The following MINK1 variants were observed in gnomAD, a reference collection of about 807,000 sequenced individuals.
MINK1 encodes misshapen like kinase 1, also known as misshapen-like kinase 1.
In MINK1, 46 loss-of-function variants were observed where a neutral mutation model predicts 178.4. The observed-to-expected ratio is 0.26, with a 90% CI of 0.20 to 0.33. The LOEUF is 0.33. Among genes scored for constraint, MINK1 ranks in the 10% least tolerant of loss-of-function variants. The pLI is 1.00. For synonymous variants in MINK1, 797 were observed against 709.7 expected, an observed-to-expected ratio of 1.12 and a Z score of -1.96; for missense variants, 1,366 against 1,814.9, an observed-to-expected ratio of 0.75 and a Z score of 4.49.
Position 4,894,373 on chromosome 17 carries a change from C to A in MINK1, c.2808+62C>A, listed in dbSNP as rs780458064. ...AGCCCTGGCGATGGGCAGGAGGTCC[C>A]GGTGCTGGGTAACGGCAGAGGATGG... On this transcript the variant is annotated intron_variant, in intron 23 of 31. Coordinates refer to ENST00000355280, the MANE Select transcript of MINK1 (RefSeq NM_153827.5). The surrounding 1 kb of genome is among the most constrained non-coding windows in gnomAD (Gnocchi z 4.1). The A allele has an allele frequency of 1.3e-6, 2 of 1,574,590 alleles. No homozygotes were observed. The highest frequency in any genetic ancestry group is 1.7e-6 in the Non-Finnish European group (2 of 1,161,188).
chr17:4,850,365 G>A (rs554531753), intron 1 of MINK1, among the ~76,000 whole-genome samples: 2 of 152,322 alleles, frequency 1.3e-5, no homozygotes, highest in South Asian at 4.1e-4. Flanking sequence ...TGGTCAGGAA[G>A]TTCCCCTTCT....
rs981282861 is a variant in MINK1, at chr17:4,891,037, C to T, written c.1653C>T (p.Ile551=). The change falls in exon 15 of 32, where the codon ATC becomes ATT. Residue 551 remains isoleucine (I), a synonymous_variant. Coordinates refer to ENST00000355280, the MANE Select transcript of MINK1 (RefSeq NM_153827.5). ...KPGSTGPEPP[I]PQASPGPPGP... ...GCAGCACGGGGCCTGAGCCCCCCAT[C>T]CCCCAGGCCTCCCCAGGGCCCCCAG... The T allele has an allele frequency of 5.1e-6, 8 of 1,556,638 alleles. No homozygotes were observed. The highest frequency in any genetic ancestry group is 7.0e-6 in the Non-Finnish European group (8 of 1,150,234).
At chr17:4,893,945 C>T in intron 21 of MINK1, 43 bp from the exon 22 acceptor site, 13 of 1,477,312 alleles carry the variant, frequency 8.8e-6, no homozygotes, top group Non-Finnish European at 1.2e-5. Context: ...ACTTCTGTGG[C>T]CACGGGCAGG....
In MINK1 at chr17:4,894,163, C is replaced by G. The variant is rs1316022183; in HGVS notation, c.2671-11C>G. 3.7e-6 allele frequency: 6 copies of G among 1,613,534 alleles called. No homozygotes were observed. Among genetic ancestry groups the G allele is most frequent in the Non-Finnish European group, 5.1e-6 (6 of 1,179,690 alleles). On this transcript the variant is annotated splice_polypyrimidine_tract_variant and intron_variant, in intron 22 of 31. Transcript: ENST00000355280. This position sits in a 1 kb window ranked among gnomAD's most constrained non-coding sequence, Gnocchi z 4.1. The stretch of plus-strand genomic sequence containing the variant: ...CTCAGCCCCACGCCAACCCTGCCCT[C>G]TGTCCTGTAGACCCCTGAAGAGGAG...
chr17:4,895,180 C>A lies in MINK1; in HGVS notation c.3023C>A (p.Thr1008Asn), dbSNP rs1043339682. Residue 1008 changes from threonine to asparagine, a missense_variant, in exon 25 of 32, where the codon ACC becomes AAC. Around this residue, in one of 14 missense-constraint regions of MINK1, gnomAD observed 42 missense variants for 64.0 expected, o/e 0.66. Transcript: ENST00000355280. This position sits in a 1 kb window ranked among gnomAD's most constrained non-coding sequence, Gnocchi z 4.3. ...NPTNTRAHSE[T>N]PEIRKYKKRF... The stretch of plus-strand genomic sequence containing the variant: ...ACCAACACCCGGGCCCACAGTGAGA[C>A]CCCTGAGATCCGGAAGTACAAGAAG... 2.5e-6 allele frequency: 4 copies of A among 1,613,990 alleles called. No individual in the cohort carries two copies. Among genetic ancestry groups the A allele is most frequent in the Non-Finnish European group, 3.4e-6 (4 of 1,180,038 alleles).
chr17:4,874,972 C>T, intron 1 of MINK1: 2 of 492,276 alleles, frequency 4.1e-6, no homozygotes, highest in Non-Finnish European at 8.2e-6. Context: ...ATGGCTCTAA[C>T]AGGCCCACGG....
intron 20 of MINK1, 129 bp from the exon 21 acceptor site, chr17:4,893,305 G>T (rs1448646938): frequency 6.2e-7 from 1 of 1,613,918 alleles, no homozygotes. Context: ...CGAGCAATTG[G>T]TGAGGTTAGT....
At chr17:4,893,660 G>A (rs1035847927) in intron 21 of MINK1, 63 bp downstream of exon 21, 4 of 1,484,740 alleles carry the variant, frequency 2.7e-6, no homozygotes, top group East Asian at 2.3e-5. Flanking sequence ...AAGTGGCAGT[G>A]GGGAAGAGGT....
rs1969332610 is a variant in MINK1 at position 4,895,296 on chromosome 17, G to A, written c.3085+54G>A. The A allele has an allele frequency of 3.7e-6, 6 of 1,608,940 alleles. No homozygotes were observed. The African/African-American group carries it at 8.0e-5, about 21-fold the overall frequency. Reference sequence around the variant, plus strand: ...GCTCTGGCGTGGCTCTTGTGCTCCTGGTTAGGTGAGGGCCTGGCTGAGCCT... The same window carrying A: ...GCTCTGGCGTGGCTCTTGTGCTCCTAGTTAGGTGAGGGCCTGGCTGAGCCT... On this transcript the variant is annotated intron_variant, in intron 25 of 31. Transcript: ENST00000355280. This position sits in a 1 kb window ranked among gnomAD's most constrained non-coding sequence, Gnocchi z 4.3.
At position 4,896,607 on chromosome 17, in the gene MINK1, T is replaced by G; in HGVS notation, c.3775+19T>G. Reference sequence around the variant, plus strand: ...TCTGTGGGTGAGTGAGCTGCCGCCCTCCCAGCCACATGCCCCGAGGTGGCC... The same window carrying G: ...TCTGTGGGTGAGTGAGCTGCCGCCCGCCCAGCCACATGCCCCGAGGTGGCC... On this transcript the variant is annotated intron_variant, in intron 30 of 31. Coordinates refer to ENST00000355280, the MANE Select transcript of MINK1 (RefSeq NM_153827.5). The surrounding 1 kb of genome is among the most constrained non-coding windows in gnomAD (Gnocchi z 4.6). The G allele has an allele frequency of 6.2e-7, 1 of 1,612,878 alleles. No individual in the cohort carries two copies. The highest frequency in any genetic ancestry group is 1.1e-5 in the South Asian group (1 of 91,030).
intron 1 of MINK1, among the ~76,000 whole-genome samples, chr17:4,874,442 G>A (rs1966988785): frequency 1.3e-5 from 2 of 152,186 alleles, no homozygotes; most frequent in Non-Finnish European, 2.9e-5. Context: ...CCAGTTCTGG[G>A]CAGAAGAGTA....
rs548785007 is a variant in MINK1, at chr17:4,880,257, G to A, written c.124-727G>A. Among the ~76,000 whole-genome samples, 11 of 151,842 alleles carry A rather than the reference G, an allele frequency of 7.2e-5. No homozygotes were observed. In the South Asian group the frequency reaches 2.3e-3, roughly 32 times the overall value. On this transcript the variant is annotated intron_variant, in intron 2 of 31. Transcript: ENST00000355280. ...CACTCCCATGAGCAGCACATTCACT[G>A]AGGTGTGTAGCCACAATGAGGGGTA...
chr17:4,870,054 C>T (rs1915666199), intron 1 of MINK1, among the ~76,000 whole-genome samples: 1 of 151,404 alleles, frequency 6.6e-6, no homozygotes, highest in South Asian at 2.1e-4. Flanking sequence ...ACTACAGGCA[C>T]CCGCCATCAT....
At chr17:4,868,516 T>G (rs879394839) in intron 1 of MINK1, among the ~76,000 whole-genome samples, 3 of 152,216 alleles carry the variant, frequency 2.0e-5, no homozygotes, top group Non-Finnish European at 4.4e-5. Flanking sequence ...GTAATGTCTG[T>G]CTTTCTGTGC....
At chr17:4,888,621 A>G (rs952812930) in intron 12 of MINK1, among the ~76,000 whole-genome samples, 16 of 151,082 alleles carry the variant, frequency 1.1e-4, no homozygotes, top group African/African-American at 3.9e-4. Context: ...ACAGAGCAAG[A>G]CTCCGTCTCC....
intron 1 of MINK1, among the ~76,000 whole-genome samples, chr17:4,871,554 T>C (rs1915860780): frequency 6.6e-6 from 1 of 152,152 alleles, no homozygotes; most frequent in African/African-American, 2.4e-5. Flanking sequence ...TATATAGATA[T>C]ACCACATTTA....
Position 4,885,144 on chromosome 17 carries a change from T to A in MINK1, c.508+142T>A. ...CTCCCTCCCCTTTCCCCTCTCCCCC[T>A]GGAATGCCCTGCCTCCTGCTGAAAA... On this transcript the variant is annotated intron_variant, in intron 6 of 31. Transcript: ENST00000355280. The surrounding 1 kb of genome is among the most constrained non-coding windows in gnomAD (Gnocchi z 5.0). 2.6e-6 allele frequency: 2 copies of A among 766,242 alleles called. No homozygotes were observed. Among genetic ancestry groups the A allele is most frequent in the Non-Finnish European group, 4.2e-6 (2 of 472,006 alleles). The allele number at this position is 766,242 out of a possible 1,614,324, so 47.5% of individuals were successfully genotyped here.
intron 1 of MINK1, among the ~76,000 whole-genome samples, chr17:4,877,755 G>C (rs1487555200): frequency 1.4e-5 from 2 of 147,034 alleles, no homozygotes; most frequent in Non-Finnish European, 3.0e-5. Flanking sequence ...GTTTGAAATC[G>C]GGAACATGTC....
At position 4,833,699 on chromosome 17, in the gene MINK1, C is replaced by A. The variant is rs1452435110; in HGVS notation, c.57+59C>A. Reference sequence around the variant, plus strand: ...CCTGTCCCCGCCGCAGGGGAGGGAGCGGGGTGGCTGCACGCCTCACGTGCT... The same window carrying A: ...CCTGTCCCCGCCGCAGGGGAGGGAGAGGGGTGGCTGCACGCCTCACGTGCT... On this transcript the variant is annotated intron_variant, in intron 1 of 31. Transcript: ENST00000355280. The surrounding 1 kb of genome is among the most constrained non-coding windows in gnomAD (Gnocchi z 4.8). 8.7e-6 allele frequency: 12 copies of A among 1,376,058 alleles called. No homozygotes were observed. Among genetic ancestry groups the A allele is most frequent in the Non-Finnish European group, 1.1e-5 (12 of 1,044,124 alleles). 85.2% of individuals were successfully genotyped at this position (1,376,058 alleles called of 1,614,324 possible). A position where few individuals can be genotyped will look rare whatever the true frequency, so the allele number is the denominator to read the frequency against.
Sources: gnomAD v4.1 joint callset for allele counts (sites outside exome capture counted in the v4.1 genomes callset) on GRCh38, gnomAD v4.1.1 for gene constraint, gnomAD v4.1.1 regional missense constraint, Gnocchi (gnomAD v3.1) non-coding constraint, MANE v1.5 for transcripts, NCBI Gene and HGNC (gene_info 2026-07-23, HGNC 2026-07-21) for gene names.